The following HEXD variants were observed in gnomAD, a reference collection of about 807,000 sequenced individuals.
The protein encoded by HEXD is hexosaminidase D, also known as N-acetyl-beta-galactosaminidase.
In HEXD, 47 loss-of-function variants were observed where a neutral mutation model predicts 54.2. The ratio of observed to expected loss-of-function variants is 0.87; its 90% CI spans 0.69 to 1.11. The LOEUF is 1.11. Among genes scored for constraint, HEXD ranks in the 50% least tolerant of loss-of-function variants. HEXD has a pLI of 0.00. For synonymous variants in HEXD, 293 were observed against 287.6 expected, an observed-to-expected ratio of 1.02 and a Z score of -0.19; for missense variants, 576 against 649.2, an observed-to-expected ratio of 0.89 and a Z score of 1.23.
At chr17:82,440,312 G>A in intron 9 of HEXD, 1 of 1,259,050 alleles carries the variant, frequency 7.9e-7, no homozygotes, top group Non-Finnish European at 1.0e-6. Flanking sequence ...AGGCGCGGCG[G>A]CCCAGGGACG....
chr17:82,439,007 T>C (rs1307821020), intron 8 of HEXD, among the ~76,000 whole-genome samples: 2 of 152,204 alleles, frequency 1.3e-5, no homozygotes, highest in Non-Finnish European at 2.9e-5. Context: ...GGGCAGCGTC[T>C]GTCACCCACC....
rs527678253 is a variant in HEXD at position 82,430,438 on chromosome 17, G to A, written c.282+1793G>A. On this transcript the variant is annotated intron_variant, in intron 4 of 12. Transcript: ENST00000327949. ...GGGTCTCACTCTGTTTCCCAGGCTG[G>A]AGTGTAGTGGTGCAGTCTTGGCTCA... Among the ~76,000 whole-genome samples, 18 of 152,270 alleles carry A rather than the reference G, an allele frequency of 1.2e-4. No individual in the cohort carries two copies. The East Asian group carries it at 3.5e-3, about 29-fold the overall frequency.
At chr17:82,427,848 C>T (rs2053461266) in intron 3 of HEXD, among the ~76,000 whole-genome samples, 1 of 152,336 alleles carries the variant, frequency 6.6e-6, no homozygotes, top group Admixed American at 6.5e-5. Flanking sequence ...CGACCCGGGG[C>T]AGTCAGCCCT....
intron 6 of HEXD, 144 bp from the exon 7 acceptor site, chr17:82,436,523 A>G (rs898944970): frequency 6.2e-6 from 4 of 647,460 alleles, no homozygotes; most frequent in African/African-American, 1.8e-5. Context: ...TGTGGCATTC[A>G]TTGTCAAAAC....
chr17:82,419,074 A>G (rs1950658959), intron 1 of HEXD, among the ~76,000 whole-genome samples: 1 of 152,018 alleles, frequency 6.6e-6, no homozygotes, highest in Non-Finnish European at 1.5e-5. Flanking sequence ...TCCTTTTCTC[A>G]CCCAATCCTT....
intron 9 of HEXD, chr17:82,440,327 C>T (rs574792165): frequency 9.4e-5 from 117 of 1,245,726 alleles, no homozygotes; most frequent in African/African-American, 1.4e-4. Context: ...GGGACGGGGA[C>T]GCGGCCGGTG....
chr17:82,439,945 G>A (rs1194495066), intron 9 of HEXD: 15 of 1,507,878 alleles, frequency 9.9e-6, no homozygotes, highest in Admixed American at 6.0e-5. Flanking sequence ...AGAGTGACGC[G>A]GGAGGCACCC....
chr17:82,423,580 C>CGAG (rs1289640956), intron 2 of HEXD: 2 of 152,006 alleles, frequency 1.3e-5, no homozygotes, highest in African/African-American at 4.8e-5. Flanking sequence ...TTTGGAAGGC[C>CGAG]GAGGGGCAGA....
chr17:82,441,558 G>T (rs2053970771), intron 11 of HEXD, among the ~76,000 whole-genome samples: 1 of 149,262 alleles, frequency 6.7e-6, no homozygotes, highest in Non-Finnish European at 1.5e-5. Context: ...GCATGGGGCA[G>T]GTGTGGGTGG....
intron 4 of HEXD, among the ~76,000 whole-genome samples, chr17:82,433,002 C>G (rs1472484559): frequency 2.3e-5 from 3 of 128,258 alleles, no homozygotes; most frequent in Non-Finnish European, 3.3e-5. Context: ...GGAGGCAGAG[C>G]TTGTAGTGAG....
chr17:82,439,745 C>G, intron 9 of HEXD, 32 bp downstream of exon 9: 1 of 1,598,848 alleles, frequency 6.3e-7, no homozygotes, highest in Non-Finnish European at 8.5e-7. Flanking sequence ...CAAGCCCCAC[C>G]GGCCCCTCCC....
In HEXD at chr17:82,439,725, C is replaced by A; in HGVS notation, c.982+12C>A. On this transcript the variant is annotated intron_variant, in intron 9 of 12. Coordinates refer to ENST00000327949, the MANE Select transcript of HEXD (RefSeq NM_001330542.2). Reference sequence around the variant, plus strand: ...GTTGCTTCTACGCGGTATGTCTGGTCTGGCCACCCCAAGCCCCACCGGCCC... The same window carrying A: ...GTTGCTTCTACGCGGTATGTCTGGTATGGCCACCCCAAGCCCCACCGGCCC... The A allele has an allele frequency of 6.3e-7, 1 of 1,599,390 alleles. No homozygotes were observed. Among genetic ancestry groups the A allele is most frequent in the South Asian group, 1.1e-5 (1 of 91,016 alleles).
chr17:82,419,296 T>C lies in HEXD; in HGVS notation c.-51-453T>C, dbSNP rs548653413. Among the ~76,000 whole-genome samples, 10 of 152,164 alleles carry C rather than the reference T, an allele frequency of 6.6e-5. No homozygotes were observed. In the South Asian group the frequency reaches 1.0e-3, roughly 16 times the overall value. On this transcript the variant is annotated intron_variant, in intron 1 of 12. Transcript: ENST00000327949. ...AGTCAGTTTTGCAGTTTCTTCCTCT[T>C]TATAATCAAGCTGATCTGAGCTCTA...
intron 1 of HEXD, 108 bp from the exon 2 acceptor site, chr17:82,419,641 T>A (rs1186421390): frequency 1.9e-6 from 1 of 521,050 alleles, no homozygotes; most frequent in African/African-American, 2.0e-5. Context: ...TTCCTCCAAG[T>A]TAATCTATCA....
At chr17:82,437,542 G>A (rs550477467) in intron 8 of HEXD, among the ~76,000 whole-genome samples, 179 bp downstream of exon 8, 109 of 152,358 alleles carry the variant, frequency 7.2e-4, no homozygotes, top group African/African-American at 2.5e-3. Context: ...CAGAGCGGCC[G>A]CTGAGGGACG....
At chr17:82,420,082 G>C in intron 2 of HEXD, 199 bp downstream of exon 2, 1 of 373,796 alleles carries the variant, frequency 2.7e-6, no homozygotes, top group Non-Finnish European at 4.7e-6. Context: ...ATGACAAAAG[G>C]GAAAAAAAAA....
rs934724998 is a variant in HEXD, at chr17:82,434,081, A to G, written c.447+259A>G. Reference sequence around the variant, plus strand: ...GGCGGCCTGGCACGGGACAGCCTGCAGAGCCCGAGGGAGGCACCCTCGTGT... The same window carrying G: ...GGCGGCCTGGCACGGGACAGCCTGCGGAGCCCGAGGGAGGCACCCTCGTGT... On this transcript the variant is annotated intron_variant, in intron 5 of 12. Coordinates refer to ENST00000327949, the MANE Select transcript of HEXD (RefSeq NM_001330542.2). This position sits in a 1 kb window ranked among gnomAD's most constrained non-coding sequence, Gnocchi z 4.5. Among the ~76,000 whole-genome samples, 110 of 151,018 alleles carry G rather than the reference A, an allele frequency of 7.3e-4. No homozygotes were observed. The highest frequency in any genetic ancestry group is 3.4e-3 in the Middle Eastern group (1 of 294).
At chr17:82,440,220 G>C (rs778753629) in intron 9 of HEXD, 38 of 1,289,328 alleles carry the variant, frequency 2.9e-5, no homozygotes, top group Non-Finnish European at 3.5e-5. Context: ...GTGGAAACTC[G>C]CAGGCCACAC....
rs1217689327 is a variant in HEXD, at chr17:82,430,626, C to T, written c.282+1981C>T. The stretch of plus-strand genomic sequence containing the variant: ...CTAGTCTCAAACTCCTGGCCTCAGG[C>T]GATCCGCCTGCGTCGGCCTCTCAAA... On this transcript the variant is annotated intron_variant, in intron 4 of 12. Transcript: ENST00000327949. 9.2e-5 allele frequency among the ~76,000 whole-genome samples: 14 copies of T among 152,170 alleles called. No homozygotes were observed. The East Asian group carries it at 9.6e-4, about 10-fold the overall frequency.
Sources: gnomAD v4.1 joint callset for allele counts (sites outside exome capture counted in the v4.1 genomes callset) on GRCh38, gnomAD v4.1.1 for gene constraint, Gnocchi (gnomAD v3.1) non-coding constraint, MANE v1.5 for transcripts, NCBI Gene and HGNC (gene_info 2026-07-23, HGNC 2026-07-21) for gene names.